The following SMYD3 variants were observed in gnomAD, a reference collection of about 807,000 sequenced individuals.
SMYD3 encodes the protein SET and MYND domain containing 3.
A neutral mutation model predicts 57.7 loss-of-function variants in SMYD3; 36 were observed. The observed-to-expected ratio is 0.62, with a 90% CI of 0.48 to 0.82. The LOEUF (loss-of-function observed/expected upper bound fraction) is 0.82. Among genes scored for constraint, SMYD3 ranks in the 40% least tolerant of loss-of-function variants. SMYD3 has a pLI of 0.00. For synonymous variants in SMYD3, 211 were observed against 195.0 expected, an observed-to-expected ratio of 1.08 and a Z score of -0.68; for missense variants, 515 against 538.8, an observed-to-expected ratio of 0.96 and a Z score of 0.44.
chr1:246,506,991 C>CCCCCCCCCCCCCCCCG, intron 1 of SMYD3, 63 bp downstream of exon 1: 1 of 815,394 alleles, frequency 1.2e-6, no homozygotes, highest in Non-Finnish European at 1.7e-6. Context: ...CGCCCGACGC[C>CCCCCCCCCCCCCCCCG]CCCCCCTCCC....
At chr1:245,751,412 G>C (rs987636701) in intron 11 of SMYD3, among the ~76,000 whole-genome samples, 3 of 152,130 alleles carry the variant, frequency 2.0e-5, no homozygotes, top group Non-Finnish European at 4.4e-5. Context: ...GCATTTCAGG[G>C]GGATGGGTAA....
At chr1:246,023,807 C>CTCTGTGTGTGTGTG (rs374649828) in intron 5 of SMYD3, among the ~76,000 whole-genome samples, 1 of 139,512 alleles carries the variant, frequency 7.2e-6, no homozygotes, top group African/African-American at 2.8e-5. Context: ...TATTACAAAA[C>CTCTGTGTGTGTGTG]TGTGTGTGTG....
chr1:246,377,095 CAA>C (rs2066291983), intron 1 of SMYD3, among the ~76,000 whole-genome samples: 1 of 151,472 alleles, frequency 6.6e-6, no homozygotes, highest in African/African-American at 2.4e-5. Flanking sequence ...GGCTTTGTCT[CAA>C]AATAATAATA....
At chr1:245,979,669 A>G (rs1475895519) in intron 5 of SMYD3, among the ~76,000 whole-genome samples, 1 of 152,154 alleles carries the variant, frequency 6.6e-6, no homozygotes, top group Non-Finnish European at 1.5e-5. Flanking sequence ...TACCCTCAGA[A>G]TTGTGAAAAA....
At chr1:246,298,634 T>A (rs1437503978) in intron 5 of SMYD3, among the ~76,000 whole-genome samples, 2 of 152,044 alleles carry the variant, frequency 1.3e-5, no homozygotes, top group Non-Finnish European at 2.9e-5. Context: ...AAAATAAGAT[T>A]GTACCAAAAG....
At chr1:245,898,684 G>C (rs932875131) in intron 8 of SMYD3, among the ~76,000 whole-genome samples, 6 of 152,238 alleles carry the variant, frequency 3.9e-5, no homozygotes, top group African/African-American at 1.4e-4. Context: ...AGCTTTGATA[G>C]ACTGATAGAC....
At chr1:245,755,472 C>G (rs924043370) in intron 11 of SMYD3, among the ~76,000 whole-genome samples, 5 of 152,194 alleles carry the variant, frequency 3.3e-5, no homozygotes, top group Non-Finnish European at 7.3e-5. Flanking sequence ...CAACTGTTGA[C>G]AGAGGAGGTC....
intron 7 of SMYD3, among the ~76,000 whole-genome samples, chr1:245,920,205 C>T (rs571931874): frequency 5.3e-5 from 8 of 150,432 alleles, no homozygotes; most frequent in Non-Finnish European, 1.0e-4. Flanking sequence ...CCCAGCTACT[C>T]GGGAGGCAGA....
intron 5 of SMYD3, among the ~76,000 whole-genome samples, chr1:246,159,359 C>T (rs2062076764): frequency 6.6e-6 from 1 of 152,090 alleles, no homozygotes; most frequent in Non-Finnish European, 1.5e-5. Flanking sequence ...ACTCAGCCTT[C>T]CAGTGATGAA....
At chr1:245,866,560 C>T (rs1200342343) in intron 8 of SMYD3, among the ~76,000 whole-genome samples, 3 of 151,970 alleles carry the variant, frequency 2.0e-5, no homozygotes, top group Non-Finnish European at 4.4e-5. Context: ...GACAAAACCT[C>T]GTCTCTACTA....
intron 1 of SMYD3, among the ~76,000 whole-genome samples, chr1:246,445,740 G>C (rs999555232): frequency 8.6e-5 from 13 of 152,016 alleles, no homozygotes; most frequent in African/African-American, 3.1e-4. Flanking sequence ...TTGTCTGAGA[G>C]AGCTTAGTAC....
intron 5 of SMYD3, chr1:246,179,056 G>A (rs993566190): frequency 6.5e-6 from 1 of 153,504 alleles, no homozygotes; most frequent in African/African-American, 2.4e-5. Context: ...CAAGTTCAAG[G>A]CCATGCAAGA....
intron 1 of SMYD3, among the ~76,000 whole-genome samples, chr1:246,486,853 T>C (rs574657546): frequency 2.6e-5 from 4 of 152,314 alleles, no homozygotes; most frequent in Non-Finnish European, 5.9e-5. Context: ...AGCAATGGTA[T>C]AGTTCTCCAA....
intron 11 of SMYD3, among the ~76,000 whole-genome samples, chr1:245,750,766 C>T (rs543944654): frequency 1.9e-3 from 292 of 152,232 alleles, no homozygotes; most frequent in Non-Finnish European, 3.4e-3. Flanking sequence ...GGAGGGACAC[C>T]AGAACCACTG....
chr1:245,853,296 G>A (rs184248219), intron 10 of SMYD3, among the ~76,000 whole-genome samples: 1 of 152,308 alleles, frequency 6.6e-6, no homozygotes, highest in Admixed American at 6.5e-5. Flanking sequence ...TGCCCTCTAG[G>A]AATGAGCTTC....
chr1:245,990,677 T>C (rs575883210), intron 5 of SMYD3, among the ~76,000 whole-genome samples: 16 of 152,140 alleles, frequency 1.1e-4, no homozygotes, highest in Non-Finnish European at 1.3e-4. Flanking sequence ...GAAATAAGAG[T>C]GGCCTCTAGA....
intron 10 of SMYD3, among the ~76,000 whole-genome samples, chr1:245,794,699 T>A (rs1558346519): frequency 1.3e-5 from 2 of 152,232 alleles, no homozygotes; most frequent in Non-Finnish European, 2.9e-5. Flanking sequence ...TGCATAATTT[T>A]AAAAAATGTC....
At chr1:246,268,918 T>C (rs933111551) in intron 5 of SMYD3, among the ~76,000 whole-genome samples, 1 of 151,712 alleles carries the variant, frequency 6.6e-6, no homozygotes, top group Non-Finnish European at 1.5e-5. Context: ...ACACTATCAC[T>C]GTTAATAAAA....
chr1:246,207,141 G>A (rs761419666), intron 5 of SMYD3, among the ~76,000 whole-genome samples: 3 of 152,050 alleles, frequency 2.0e-5, no homozygotes, highest in Non-Finnish European at 4.4e-5. Context: ...CTGGATATTG[G>A]ATATAAAAAT....
Sources: gnomAD v4.1 joint callset for allele counts (sites outside exome capture counted in the v4.1 genomes callset) on GRCh38, gnomAD v4.1.1 for gene constraint, MANE v1.5 for transcripts, NCBI Gene and HGNC (gene_info 2026-07-23, HGNC 2026-07-21) for gene names.